NFATC2: variants seen among roughly 807,000 people sequenced by gnomAD.
The protein encoded by NFATC2 is nuclear factor of activated T-cells, cytoplasmic 2.
NFATC2 carries 22 observed loss-of-function variants against 87.3 expected under a neutral mutation model. That is an observed-to-expected ratio of 0.25 (90% CI 0.18 to 0.36). The LOEUF (loss-of-function observed/expected upper bound fraction) is 0.36. Among genes scored for constraint, NFATC2 ranks in the 10% least tolerant of loss-of-function variants. NFATC2 has a pLI of 1.00. For synonymous variants in NFATC2, 565 were observed against 542.2 expected (o/e 1.04, Z -0.58); for missense variants, 1,149 against 1,259.1 (o/e 0.91, Z 1.32).
chr20:51,391,214 TTC>T lies in NFATC2; in HGVS notation c.*280_*281del. On this transcript the variant is annotated 3_prime_UTR_variant, in exon 11 of 11. Transcript: ENST00000371564. Reference sequence around the variant, plus strand: ...TTAAAACATAAACCGAAAAGAAGAGTTCTCTCTGGTGTTTAGAGGGAGGTGGC... The same window carrying T: ...TTAAAACATAAACCGAAAAGAAGAGTTCTCTGGTGTTTAGAGGGAGGTGGC... 1.4e-6 allele frequency: 1 copy of T among 723,580 alleles called. No individual in the cohort carries two copies. Among genetic ancestry groups the T allele is most frequent in the Non-Finnish European group, 2.5e-6 (1 of 393,592 alleles). 44.8% of individuals were successfully genotyped at this position (723,580 alleles called of 1,614,324 possible). A position where few individuals can be genotyped will look rare whatever the true frequency, so the allele number is the denominator to read the frequency against.
chr20:51,414,650 C>T (rs1979779965), intron 9 of NFATC2, among the ~76,000 whole-genome samples: 1 of 151,846 alleles, frequency 6.6e-6, no homozygotes, highest in African/African-American at 2.4e-5. Context: ...GATTGTGCCA[C>T]TGCACTCCAG....
intron 1 of NFATC2, among the ~76,000 whole-genome samples, chr20:51,536,724 G>C (rs1272831159): frequency 6.6e-6 from 1 of 152,222 alleles, no homozygotes; most frequent in Admixed American, 6.5e-5. Flanking sequence ...CAAGGCCGAT[G>C]CTCAGTTCTA....
intron 3 of NFATC2, among the ~76,000 whole-genome samples, chr20:51,501,003 C>G (rs2076081385): frequency 6.7e-6 from 1 of 150,056 alleles, no homozygotes; most frequent in African/African-American, 2.5e-5. Flanking sequence ...AGGGGCCAGG[C>G]AAGTAATGAA....
At chr20:51,394,912 G>A (rs144607165) in intron 10 of NFATC2, among the ~76,000 whole-genome samples, 15 of 152,078 alleles carry the variant, frequency 9.9e-5, no homozygotes, top group Non-Finnish European at 2.1e-4. Context: ...GCCCTCACTC[G>A]CTCCAAAAGC....
At chr20:51,430,471 T>A (rs930042737) in intron 9 of NFATC2, among the ~76,000 whole-genome samples, 1 of 152,226 alleles carries the variant, frequency 6.6e-6, no homozygotes, top group Non-Finnish European at 1.5e-5. Context: ...CAGAGCACCA[T>A]GACTTTAACT....
chr20:51,425,379 T>G (rs1443411399), intron 9 of NFATC2, among the ~76,000 whole-genome samples: 1 of 152,222 alleles, frequency 6.6e-6, no homozygotes, highest in East Asian at 1.9e-4. Flanking sequence ...TGGTTACTGG[T>G]GTACCAGCAA....
upstream of NFATC2, chr20:51,542,827 G>C (rs1201503833): frequency 9.9e-5 from 68 of 687,522 alleles, no homozygotes; most frequent in East Asian, 8.1e-3. Flanking sequence ...GGACCGGAGG[G>C]GAGGGGCGCG....
At chr20:51,482,049 T>A (rs1989304960) in intron 3 of NFATC2, among the ~76,000 whole-genome samples, 1 of 152,178 alleles carries the variant, frequency 6.6e-6, no homozygotes, top group Admixed American at 6.5e-5. Flanking sequence ...GGCAACAGCC[T>A]CCACTGGCCC....
chr20:51,417,965 G>A (rs1038135483), intron 9 of NFATC2, among the ~76,000 whole-genome samples: 58 of 152,308 alleles, frequency 3.8e-4, no homozygotes, highest in African/African-American at 1.4e-3. Context: ...CGGGCAGTCC[G>A]TAAGTCACTT....
chr20:51,435,693 G>A lies in NFATC2; in HGVS notation c.1905+13C>T, dbSNP rs372258137. 4.8e-5 allele frequency: 77 copies of A among 1,607,098 alleles called. No individual in the cohort carries two copies. Among genetic ancestry groups the A allele is most frequent in the Admixed American group, 6.7e-5 (4 of 59,306 alleles). On this transcript the variant is annotated intron_variant, in intron 7 of 10. Transcript: ENST00000371564. ...GGGGGATTGAGAGACACTCAGGTGC[G>A]TCACGTGCTTACGGGCTGGCTCTTG... is the stretch of plus-strand genomic sequence containing the variant.
At chr20:51,546,201 T>C (rs773243174), upstream of NFATC2, among the ~76,000 whole-genome samples, 11 of 152,202 alleles carry the variant, frequency 7.2e-5, no homozygotes, top group Admixed American at 2.0e-4. Context: ...AGTGGATATA[T>C]TTTCAAAGCT....
At chr20:51,554,141 G>A (rs558956558) in intron 1 of NFATC2, among the ~76,000 whole-genome samples, 138 of 152,124 alleles carry the variant, frequency 9.1e-4, no homozygotes, top group African/African-American at 2.7e-3. Flanking sequence ...CACCCCCACC[G>A]CCTCCAAAAA....
At chr20:51,551,949 C>A (rs540368248) in intron 1 of NFATC2, among the ~76,000 whole-genome samples, 181 of 152,040 alleles carry the variant, frequency 1.2e-3, no homozygotes, top group Admixed American at 2.2e-3. Context: ...ATGGCATGAA[C>A]CTGGGAGGTG....
rs752614773 is a variant in NFATC2 at position 51,523,201 on chromosome 20, G to C, written c.1040C>G (p.Pro347Arg). The C allele has an allele frequency of 1.9e-6, 3 of 1,614,094 alleles. No individual in the cohort carries two copies. The African/African-American group carries it at 4.0e-5, about 21-fold the overall frequency. ...SKAGLPRHIYPAVEFLGPCEQ... is the reference protein window; with the variant it reads ...SKAGLPRHIYRAVEFLGPCEQ... Reference sequence around the variant, plus strand: ...GCAGGGCCCCAGGAACTCCACGGCCGGGTAGATGTGGCGAGGCAGGCCGGC... The same window carrying C: ...GCAGGGCCCCAGGAACTCCACGGCCCGGTAGATGTGGCGAGGCAGGCCGGC... Residue 347 changes from proline to arginine, a missense_variant, in exon 2 of 11, where the codon CCG becomes CGG. Transcript: ENST00000371564. This position sits in a 1 kb window ranked among gnomAD's most constrained non-coding sequence, Gnocchi z 6.9.
chr20:51,404,852 T>C (rs375245883), intron 9 of NFATC2, among the ~76,000 whole-genome samples: 9 of 152,320 alleles, frequency 5.9e-5, no homozygotes, highest in African/African-American at 2.2e-4. Context: ...TGACGCTCTC[T>C]GCAAACCAGA....
intron 6 of NFATC2, among the ~76,000 whole-genome samples, chr20:51,448,677 G>A (rs1440519821): frequency 6.6e-6 from 1 of 152,108 alleles, no homozygotes; most frequent in African/African-American, 2.4e-5. Context: ...AAAAGAAATG[G>A]TGGAGGAACA....
intron 1 of NFATC2, among the ~76,000 whole-genome samples, chr20:51,561,469 AAG>A (rs1489741438): frequency 5.8e-5 from 8 of 137,554 alleles, no homozygotes; most frequent in African/African-American, 1.9e-4. Context: ...GAAAGAAAGA[AAG>A]AAAGAAAGAA....
At chr20:51,546,618 C>A (rs2076891840), upstream of NFATC2, among the ~76,000 whole-genome samples, 1 of 152,174 alleles carries the variant, frequency 6.6e-6, no homozygotes, top group African/African-American at 2.4e-5. Context: ...GCTAGTGAAG[C>A]CACTGAGACT....
chr20:51,454,773 T>C, intron 5 of NFATC2, 85 bp from the exon 6 acceptor site: 2 of 1,455,124 alleles, frequency 1.4e-6, no homozygotes, highest in Non-Finnish European at 1.9e-6. Flanking sequence ...TACTGAGATA[T>C]GACATGCTCT....
Sources: gnomAD v4.1 joint callset for allele counts (sites outside exome capture counted in the v4.1 genomes callset) on GRCh38, gnomAD v4.1.1 for gene constraint, Gnocchi (gnomAD v3.1) non-coding constraint, MANE v1.5 for transcripts, NCBI Gene and HGNC (gene_info 2026-07-23, HGNC 2026-07-21) for gene names.